The following PDZRN4 variants were observed in gnomAD, a reference collection of about 807,000 sequenced individuals.
PDZRN4 encodes PDZ domain containing ring finger 4, also known as PDZ domain-containing RING finger protein 4.
Under a neutral mutation model 99.0 loss-of-function variants are expected in PDZRN4, and 70 were observed. The observed-to-expected ratio is 0.71, with a 90% CI of 0.58 to 0.86. PDZRN4 has a LOEUF of 0.86. PDZRN4 is among the 40% of genes least tolerant of loss of function. The probability of loss-of-function intolerance (pLI) is 0.00; values close to 1 mark genes in which losing one functional copy is unlikely to be tolerated. For synonymous variants in PDZRN4, 551 were observed against 501.6 expected (o/e 1.10, Z -1.32); for missense variants, 1,474 against 1,331.2 (o/e 1.11, Z -1.67).
chr12:41,288,314 T>C (rs180955067), intron 3 of PDZRN4, among the ~76,000 whole-genome samples: 18 of 152,270 alleles, frequency 1.2e-4, no homozygotes, highest in Admixed American at 1.1e-3. Flanking sequence ...ACTCCTGAGG[T>C]CTGAAAGAAT....
At chr12:41,487,316 C>T (rs144386987) in intron 3 of PDZRN4, among the ~76,000 whole-genome samples, 2 of 152,046 alleles carry the variant, frequency 1.3e-5, no homozygotes, top group East Asian at 3.9e-4. Context: ...TAATCCCAGA[C>T]TCAGGAAAAA....
At chr12:41,234,075 T>G (rs1005886824) in intron 3 of PDZRN4, among the ~76,000 whole-genome samples, 1 of 152,040 alleles carries the variant, frequency 6.6e-6, no homozygotes, top group African/African-American at 2.4e-5. Context: ...TGCTCCTTGA[T>G]TAATAGAAAC....
At chr12:41,300,834 C>CT (rs902345396) in intron 3 of PDZRN4, among the ~76,000 whole-genome samples, 1 of 151,852 alleles carries the variant, frequency 6.6e-6, no homozygotes, top group African/African-American at 2.4e-5. Context: ...TTATGGAAAG[C>CT]TTCAGGGAAA....
intron 5 of PDZRN4, among the ~76,000 whole-genome samples, chr12:41,541,533 A>T (rs554555511): frequency 6.7e-6 from 1 of 150,344 alleles, no homozygotes; most frequent in Admixed American, 6.6e-5. Context: ...AGCTCACTGC[A>T]AGTTCCACCT....
intron 3 of PDZRN4, among the ~76,000 whole-genome samples, chr12:41,290,066 T>C (rs746790930): frequency 6.6e-6 from 1 of 152,186 alleles, no homozygotes; most frequent in Non-Finnish European, 1.5e-5. Context: ...GTACTGGTGG[T>C]GGGCCTTTCC....
At chr12:41,522,804 G>A (rs997621455) in intron 5 of PDZRN4, among the ~76,000 whole-genome samples, 1 of 152,098 alleles carries the variant, frequency 6.6e-6, no homozygotes, top group African/African-American at 2.4e-5. Context: ...TAGCTGATTA[G>A]TATCAGATCA....
chr12:41,536,672 G>A (rs760373649), intron 5 of PDZRN4, among the ~76,000 whole-genome samples: 56 of 151,248 alleles, frequency 3.7e-4, no homozygotes, highest in Non-Finnish European at 7.4e-4. Context: ...CTATGTATGT[G>A]TGAAAGAAGG....
intron 3 of PDZRN4, among the ~76,000 whole-genome samples, chr12:41,391,214 A>C (rs1952209304): frequency 6.6e-6 from 1 of 152,204 alleles, no homozygotes; most frequent in African/African-American, 2.4e-5. Context: ...TTAGGGATGG[A>C]GGCACTCTGT....
At chr12:41,379,007 G>A (rs1199585471) in intron 3 of PDZRN4, among the ~76,000 whole-genome samples, 1 of 152,026 alleles carries the variant, frequency 6.6e-6, no homozygotes, top group South Asian at 2.1e-4. Flanking sequence ...TATGGTTTGG[G>A]CTTTTCTTTC....
intron 3 of PDZRN4, among the ~76,000 whole-genome samples, chr12:41,417,986 G>A (rs900874857): frequency 1.3e-5 from 2 of 152,134 alleles, no homozygotes; most frequent in East Asian, 3.9e-4. Context: ...ACAAATAATC[G>A]TCTTTGCCTT....
intron 3 of PDZRN4, among the ~76,000 whole-genome samples, chr12:41,320,476 A>C (rs956047994): frequency 6.6e-6 from 1 of 152,162 alleles, no homozygotes; most frequent in African/African-American, 2.4e-5. Context: ...GTTATCTGGG[A>C]TGTTGTTAGA....
rs774919090 is a variant in PDZRN4 at position 41,573,527 on chromosome 12, A to T, written c.2748A>T (p.Leu916Phe). The change falls in exon 10 of 10, where the codon TTA becomes TTT. Residue 916 changes from leucine to phenylalanine, a missense_variant. Leu to Phe is a conservative substitution (Grantham distance 22). Transcript: ENST00000402685. ...VRDRILKERALKIKEERSGMT... is the reference protein window; with the variant it reads ...VRDRILKERAFKIKEERSGMT... The stretch of plus-strand genomic sequence containing the variant: ...ACCGAATCCTGAAGGAACGTGCCTT[A>T]AAGATCAAGGAAGAGCGGAGTGGCA... 1 of 1,614,046 alleles carries T rather than the reference A, an allele frequency of 6.2e-7. No individual in the cohort carries two copies. The highest frequency in any genetic ancestry group is 8.5e-7 in the Non-Finnish European group (1 of 1,180,004).
At chr12:41,469,102 T>C (rs1952961256) in intron 3 of PDZRN4, among the ~76,000 whole-genome samples, 1 of 152,216 alleles carries the variant, frequency 6.6e-6, no homozygotes, top group African/African-American at 2.4e-5. Context: ...CTAGGTTTCC[T>C]GAATGCTACA....
chr12:41,482,666 G>A (rs1463699566), intron 3 of PDZRN4, among the ~76,000 whole-genome samples: 1 of 152,128 alleles, frequency 6.6e-6, no homozygotes, highest in Non-Finnish European at 1.5e-5. Context: ...AGAGAGCTGA[G>A]ATTTAAGTCC....
chr12:41,477,360 G>A (rs985774936), intron 3 of PDZRN4, among the ~76,000 whole-genome samples: 20 of 152,130 alleles, frequency 1.3e-4, no homozygotes, highest in Non-Finnish European at 2.8e-4. Flanking sequence ...GGCACTCACG[G>A]GAATGAAAAT....
intron 3 of PDZRN4, among the ~76,000 whole-genome samples, chr12:41,338,960 G>C (rs1267165301): frequency 2.0e-5 from 3 of 151,920 alleles, no homozygotes; most frequent in Non-Finnish European, 4.4e-5. Context: ...CTATGTTTAT[G>C]GATTGGAAAA....
intron 3 of PDZRN4, among the ~76,000 whole-genome samples, chr12:41,237,759 T>C (rs919833127): frequency 1.3e-5 from 2 of 152,178 alleles, no homozygotes; most frequent in African/African-American, 4.8e-5. Context: ...GTCAGCTTTG[T>C]CAAAATTCAC....
chr12:41,455,488 T>A (rs941603546), intron 3 of PDZRN4, among the ~76,000 whole-genome samples: 17 of 152,268 alleles, frequency 1.1e-4, no homozygotes, highest in South Asian at 6.2e-4. Context: ...CTCAAAAAAA[T>A]TGTCATCAAG....
chr12:41,259,130 G>A (rs570016191), intron 3 of PDZRN4, among the ~76,000 whole-genome samples: 9 of 152,152 alleles, frequency 5.9e-5, no homozygotes, highest in South Asian at 4.1e-4. Flanking sequence ...AATGGCTATC[G>A]TTGGCTGATT....
Sources: allele counts gnomAD v4.1 joint callset (sites outside exome capture counted in the v4.1 genomes callset), GRCh38; gene constraint gnomAD v4.1.1; transcripts MANE v1.5; gene names NCBI Gene and HGNC (gene_info 2026-07-23, HGNC 2026-07-21).